Variants in ST3GAL5 observed in about 807,000 individuals in gnomAD.
ST3GAL5 encodes the protein ST3 beta-galactoside alpha-2,3-sialyltransferase 5.
A neutral mutation model predicts 46.1 loss-of-function variants in ST3GAL5; 25 were observed. The ratio of observed to expected loss-of-function variants is 0.54; its 90% CI spans 0.40 to 0.76. The LOEUF (loss-of-function observed/expected upper bound fraction) is 0.76. ST3GAL5 is among the 30% of genes least tolerant of loss of function. The pLI, the probability that ST3GAL5 is intolerant of heterozygous loss-of-function variation, is 0.00. For missense variants in ST3GAL5, 431 were observed against 521.2 expected, an observed-to-expected ratio of 0.83 and a Z score of 1.69; for synonymous variants, 182 against 192.7, an observed-to-expected ratio of 0.94 and a Z score of 0.46.
At position 85,840,085 on chromosome 2, in the gene ST3GAL5, A is replaced by C. The variant is rs1407751850; in HGVS notation, c.*59T>G. The C allele has an allele frequency of 5.0e-6, 8 of 1,612,334 alleles. No individual in the cohort carries two copies. Among genetic ancestry groups the C allele is most frequent in the Non-Finnish European group, 5.9e-6 (7 of 1,178,782 alleles). The stretch of plus-strand genomic sequence containing the variant: ...TGCAGGATGGAGAAATACATCAAGA[A>C]GGCTGTCAAAAACAGCTCTCAGAGT... On this transcript the variant is annotated 3_prime_UTR_variant, in exon 7 of 7. Transcript: ENST00000638572.
chr2:85,851,734 G>C, intron 3 of ST3GAL5: 1 of 1,289,300 alleles, frequency 7.8e-7, no homozygotes, highest in Non-Finnish European at 1.0e-6. Context: ...AGTGTGACTA[G>C]GCTGTGAGGA....
At position 85,846,494 on chromosome 2, in the gene ST3GAL5, A is replaced by G; in HGVS notation, c.732T>C (p.Tyr244=). 1 of 1,614,242 alleles carries G rather than the reference A, an allele frequency of 6.2e-7. No individual in the cohort carries two copies. Among genetic ancestry groups the G allele is most frequent in the Non-Finnish European group, 8.5e-7 (1 of 1,180,036 alleles). Residue 244 remains tyrosine (Y), a synonymous_variant, in exon 5 of 7, where the codon TAT becomes TAC. Transcript: ENST00000638572. ...GGTCAGACAGTGGTGCGCCCTCTGG[A>G]TAAGTCATCCTTATAGTAGTTTTAT... ...VGNKTTIRMT[Y]PEGAPLSDLE... is the part of the protein sequence containing the mutation.
At chr2:85,852,751 A>C in intron 3 of ST3GAL5, 1 of 609,242 alleles carries the variant, frequency 1.6e-6, no homozygotes, top group Non-Finnish European at 2.5e-6. Flanking sequence ...TGTTAGAAAA[A>C]AAAATAATCA....
intron 3 of ST3GAL5, among the ~76,000 whole-genome samples, chr2:85,859,354 AG>A (rs1478718138): frequency 6.6e-6 from 1 of 152,232 alleles, no homozygotes; most frequent in Admixed American, 6.5e-5. Context: ...CTTTCTCAGA[AG>A]ACAAAAACAG....
intron 5 of ST3GAL5, chr2:85,844,803 T>C (rs752795581): frequency 4.0e-4 from 224 of 555,716 alleles, no homozygotes; most frequent in Admixed American, 7.6e-4. Context: ...CAGCTTGTAT[T>C]TGTTTGAGGT....
intron 1 of ST3GAL5, among the ~76,000 whole-genome samples, 177 bp from the exon 2 acceptor site, chr2:85,863,662 T>C (rs1684966479): frequency 1.3e-5 from 2 of 152,168 alleles, no homozygotes; most frequent in South Asian, 2.1e-4. Flanking sequence ...GAGGGAACTA[T>C]GCTGAGCTGA....
intron 1 of ST3GAL5, among the ~76,000 whole-genome samples, chr2:85,871,196 C>T (rs1234875630): frequency 1.3e-5 from 2 of 152,022 alleles, no homozygotes; most frequent in Admixed American, 6.5e-5. Flanking sequence ...ACCACCATAC[C>T]CAGCTGATTT....
chr2:85,851,404 C>T, intron 3 of ST3GAL5: 1 of 1,196,506 alleles, frequency 8.4e-7, no homozygotes, highest in Admixed American at 3.4e-5. Context: ...AACAGATCTC[C>T]ACTGATTGCC....
intron 1 of ST3GAL5, among the ~76,000 whole-genome samples, chr2:85,872,724 G>C (rs999613188): frequency 6.6e-6 from 1 of 152,172 alleles, no homozygotes; most frequent in African/African-American, 2.4e-5. Flanking sequence ...CGTGCACCTA[G>C]ACTGGTACCT....
At chr2:85,846,160 C>A (rs1682773414) in intron 5 of ST3GAL5, 2 of 532,594 alleles carry the variant, frequency 3.8e-6, no homozygotes, top group Middle Eastern at 5.3e-4. Flanking sequence ...TGCACCACTG[C>A]ACTCCAGCCC....
chr2:85,854,334 AC>A, intron 3 of ST3GAL5: 1 of 152,422 alleles, frequency 6.6e-6, no homozygotes, highest in Non-Finnish European at 1.5e-5. Context: ...AGTCCTCCCA[AC>A]CCCCCTCGTC....
At chr2:85,878,180 C>T (rs1686779882) in intron 1 of ST3GAL5, among the ~76,000 whole-genome samples, 1 of 152,192 alleles carries the variant, frequency 6.6e-6, no homozygotes, top group African/African-American at 2.4e-5. Flanking sequence ...AACTGATGAC[C>T]AGGTTTAGAA....
In ST3GAL5 at chr2:85,888,929, C is replaced by T; in HGVS notation, c.-24G>A. On this transcript the variant is annotated 5_prime_UTR_variant, in exon 1 of 7. Transcript: ENST00000638572. Reference sequence around the variant, plus strand: ...ATACTAATGAGGGGGCGCCGGCCGGCCGCCAGCCCGGTACCCCGCGCCCCC... The same window carrying T: ...ATACTAATGAGGGGGCGCCGGCCGGTCGCCAGCCCGGTACCCCGCGCCCCC... The T allele has an allele frequency of 7.5e-7, 1 of 1,333,358 alleles. No homozygotes were observed. Among genetic ancestry groups the T allele is most frequent in the South Asian group, 1.8e-5 (1 of 55,686 alleles). The allele number at this position is 1,333,358 out of a possible 1,614,324, so 82.6% of individuals were successfully genotyped here.
At chr2:85,873,782 C>A (rs551214276) in intron 1 of ST3GAL5, among the ~76,000 whole-genome samples, 1 of 151,846 alleles carries the variant, frequency 6.6e-6, no homozygotes, top group East Asian at 1.9e-4. Context: ...CAGGAGAAAA[C>A]AAAAAAACAA....
At chr2:85,867,720 T>C (rs1685440409) in intron 1 of ST3GAL5, 1 of 768,862 alleles carries the variant, frequency 1.3e-6, no homozygotes, top group Non-Finnish European at 2.4e-6. Flanking sequence ...AAGGAATGTA[T>C]AGGACATTGA....
chr2:85,847,767 C>A (rs2103957482), intron 4 of ST3GAL5, 94 bp downstream of exon 4: 2 of 1,490,300 alleles, frequency 1.3e-6, no homozygotes, highest in African/African-American at 1.4e-5. Flanking sequence ...TGCACTCCAG[C>A]CTGGACAACA....
chr2:85,839,829 G>A lies in ST3GAL5; in HGVS notation c.*315C>T, dbSNP rs528477802. 7 of 383,310 alleles carry A rather than the reference G, an allele frequency of 1.8e-5. No individual in the cohort carries two copies. Among genetic ancestry groups the A allele is most frequent in the Non-Finnish European group, 3.5e-5 (7 of 201,684 alleles). 23.7% of individuals were successfully genotyped at this position (383,310 alleles called of 1,614,324 possible). ...CCTGTATTCAATGTGCAGTGTAAAC[G>A]AGCAGAAGTTTTACAAATTAAATTA... is the stretch of plus-strand genomic sequence containing the variant. On this transcript the variant is annotated 3_prime_UTR_variant, in exon 7 of 7. Transcript: ENST00000638572.
intron 1 of ST3GAL5, among the ~76,000 whole-genome samples, chr2:85,877,116 C>G (rs969433215): frequency 1.3e-5 from 2 of 152,052 alleles, no homozygotes; most frequent in African/African-American, 4.8e-5. Flanking sequence ...GACACCTACC[C>G]CTAAATATTT....
At chr2:85,870,832 A>G (rs897994432) in intron 1 of ST3GAL5, among the ~76,000 whole-genome samples, 11 of 149,090 alleles carry the variant, frequency 7.4e-5, no homozygotes, top group African/African-American at 2.7e-4. Context: ...GCCCGCCACC[A>G]TGCCCAGCTA....
Sources: allele counts gnomAD v4.1 joint callset (sites outside exome capture counted in the v4.1 genomes callset), GRCh38; gene constraint gnomAD v4.1.1; transcripts MANE v1.5; gene names NCBI Gene and HGNC (gene_info 2026-07-23, HGNC 2026-07-21).